Variants in CCDC125 observed in about 807,000 individuals in gnomAD.
CCDC125 encodes coiled-coil domain-containing protein 125.
Under a neutral mutation model 57.4 loss-of-function variants are expected in CCDC125, and 43 were observed. The ratio of observed to expected loss-of-function variants is 0.75; its 90% CI spans 0.59 to 0.97. The LOEUF (loss-of-function observed/expected upper bound fraction) is 0.97. CCDC125 is among the 50% of genes least tolerant of loss of function. The pLI, the probability that CCDC125 is intolerant of heterozygous loss-of-function variation, is 0.00. For missense variants in CCDC125, 563 were observed against 595.7 expected, an observed-to-expected ratio of 0.95 and a Z score of 0.57; for synonymous variants, 187 against 195.2, an observed-to-expected ratio of 0.96 and a Z score of 0.35.
Position 69,320,257 on chromosome 5 carries a change from T to A in CCDC125, c.284A>T (p.Tyr95Phe), listed in dbSNP as rs140726863. Residue 95 changes from tyrosine to phenylalanine, a missense_variant, in exon 2 of 12, where the codon TAC becomes TTC. By Grantham distance (22) the Tyr-to-Phe change is conservative. Coordinates refer to ENST00000396496, the MANE Select transcript of CCDC125 (RefSeq NM_176816.5). ...TFPQVSRISN[Y>F]RRQSSTVDSN... is the part of the protein sequence containing the mutation. ...CTTACCAGTGCTACTTTGTCGTCTG[T>A]AATTGGAAATTCTGGACACTTGAGG... 6.2e-7 allele frequency: 1 copy of A among 1,613,726 alleles called. No homozygotes were observed. Among genetic ancestry groups the A allele is most frequent in the Non-Finnish European group, 8.5e-7 (1 of 1,179,848 alleles).
intron 1 of CCDC125, among the ~76,000 whole-genome samples, chr5:69,329,869 A>G (rs1170702932): frequency 6.6e-6 from 1 of 152,212 alleles, no homozygotes; most frequent in Non-Finnish European, 1.5e-5. Context: ...GGTAATTAGC[A>G]GCAGAGCCAG....
At chr5:69,315,614 C>T (rs1296753345) in intron 2 of CCDC125, among the ~76,000 whole-genome samples, 2 of 150,790 alleles carry the variant, frequency 1.3e-5, no homozygotes, top group African/African-American at 2.4e-5. Flanking sequence ...AAAAATTAGC[C>T]GGGCATGGTG....
chr5:69,310,818 TA>T (rs1377628769), intron 4 of CCDC125: 4 of 174,442 alleles, frequency 2.3e-5, no homozygotes, highest in East Asian at 1.5e-4. Flanking sequence ...TTACTGGGGA[TA>T]GGGGTGGGAA....
At position 69,308,339 on chromosome 5, in the gene CCDC125, T is replaced by G. The variant is rs2150492933; in HGVS notation, c.454-311A>C. On this transcript the variant is annotated intron_variant, in intron 4 of 11. Coordinates refer to ENST00000396496, the MANE Select transcript of CCDC125 (RefSeq NM_176816.5). ...TTGGCTCTGTGTCCCCACCCAAATC[T>G]CATTTTGAATTGTACTCTCATAATT... 4 of 358,220 alleles carry G rather than the reference T, an allele frequency of 1.1e-5. 1 individual carries two copies. In the South Asian group the frequency reaches 1.3e-4, roughly 12 times the overall value. 22.2% of individuals were successfully genotyped at this position (358,220 alleles called of 1,614,324 possible).
intron 1 of CCDC125, among the ~76,000 whole-genome samples, chr5:69,327,610 C>T (rs934147620): frequency 1.3e-5 from 2 of 152,210 alleles, no homozygotes; most frequent in Admixed American, 1.3e-4. Context: ...TCAAATCTCA[C>T]TTCACCACTT....
downstream of CCDC125, chr5:69,276,435 G>T: frequency 2.2e-6 from 2 of 891,852 alleles, no homozygotes; most frequent in South Asian, 3.0e-5. Context: ...GGGAATGAGG[G>T]CATTCACATA....
At chr5:69,292,985 C>T (rs1364605913) in intron 9 of CCDC125, among the ~76,000 whole-genome samples, 3 of 151,308 alleles carry the variant, frequency 2.0e-5, no homozygotes, top group African/African-American at 7.3e-5. Context: ...GGACTATAGG[C>T]GCATGTTGCC....
intron 6 of CCDC125, among the ~76,000 whole-genome samples, chr5:69,304,758 T>C (rs1757074600): frequency 6.6e-6 from 1 of 152,164 alleles, no homozygotes; most frequent in Non-Finnish European, 1.5e-5. Flanking sequence ...AGCTGAGACA[T>C]AATCAGAACC....
chr5:69,316,116 T>C (rs1580187606), intron 2 of CCDC125, among the ~76,000 whole-genome samples: 1 of 152,194 alleles, frequency 6.6e-6, no homozygotes, highest in East Asian at 1.9e-4. Flanking sequence ...ATGTTTGTAC[T>C]GTGATTGATG....
chr5:69,297,637 GC>G (rs1755597172), intron 8 of CCDC125, among the ~76,000 whole-genome samples: 1 of 151,294 alleles, frequency 6.6e-6, no homozygotes, highest in East Asian at 2.0e-4. Flanking sequence ...GGGATTACAG[GC>G]GTTAGCCACC....
chr5:69,315,450 C>CAAAAA (rs1359288696), intron 2 of CCDC125, among the ~76,000 whole-genome samples: 5 of 4,868 alleles, frequency 1.0e-3, no homozygotes, highest in Non-Finnish European at 1.8e-3. Context: ...AAAAAAAAAA[C>CAAAAA]AAAAAAAAAA....
At chr5:69,305,449 G>A (rs1204653759) in intron 6 of CCDC125, among the ~76,000 whole-genome samples, 1 of 152,132 alleles carries the variant, frequency 6.6e-6, no homozygotes, top group Non-Finnish European at 1.5e-5. Context: ...CTGGCCTCAA[G>A]TGATCCACCT....
chr5:69,311,143 T>G lies in CCDC125; in HGVS notation c.428A>C (p.Glu143Ala). ...ASQRQLRGKE[E>A]ALKILQSMAI... ...CATGCTTTGAAGAATTTTCAATGCT[T>G]CCTCTTTACCTCTGAGTTGTCTTTG... The change falls in exon 4 of 12, where the codon GAA (glutamate) becomes GCA (alanine). Residue 143 changes from glutamate to alanine, a missense_variant. By Grantham distance (107) the Glu-to-Ala change is moderately radical. Coordinates refer to ENST00000396496, the MANE Select transcript of CCDC125 (RefSeq NM_176816.5). 6.2e-7 allele frequency: 1 copy of G among 1,610,722 alleles called. No individual in the cohort carries two copies. The highest frequency in any genetic ancestry group is 8.5e-7 in the Non-Finnish European group (1 of 1,177,754).
In CCDC125 at chr5:69,285,363, C is replaced by T; in HGVS notation, c.1204G>A (p.Glu402Lys). ...KRMEDQDSPQ[E>K]VLKMLIDLLN... ...AAATCTATGAGCATCTTAAGGACCT[C>T]TTGAGGACTGTCCTGGTCTTCCATC... The change falls in exon 11 of 12, where the codon GAG (glutamate) becomes AAG (lysine). Residue 402 changes from glutamate (E) to lysine (K), a missense_variant. Physicochemically the swap from Glu to Lys is moderately conservative, Grantham distance 56 (BLOSUM62 1). Coordinates refer to ENST00000396496, the MANE Select transcript of CCDC125 (RefSeq NM_176816.5). 2 of 1,612,074 alleles carry T rather than the reference C, an allele frequency of 1.2e-6. No individual in the cohort carries two copies. The highest frequency in any genetic ancestry group is 1.7e-6 in the Non-Finnish European group (2 of 1,179,450).
intron 9 of CCDC125, chr5:69,294,172 A>G (rs1754950484): frequency 2.0e-6 from 2 of 977,308 alleles, no homozygotes; most frequent in Admixed American, 6.2e-5. Flanking sequence ...AGTGATTTTA[A>G]GCATAAATGT....
At chr5:69,276,405 G>C, downstream of CCDC125, 1 of 698,530 alleles carries the variant, frequency 1.4e-6, no homozygotes, top group Non-Finnish European at 2.5e-6. Flanking sequence ...GCAAATACTT[G>C]ACATTAATTT....
At chr5:69,297,740 G>A (rs1755624272) in intron 8 of CCDC125, among the ~76,000 whole-genome samples, 1 of 151,392 alleles carries the variant, frequency 6.6e-6, no homozygotes, top group African/African-American at 2.4e-5. Flanking sequence ...GAGGCAGGCA[G>A]ATAGCTTGAG....
At chr5:69,294,196 AT>A in intron 9 of CCDC125, 1 of 915,200 alleles carries the variant, frequency 1.1e-6, no homozygotes, top group Non-Finnish European at 1.3e-6. Flanking sequence ...TTTTCCTTCT[AT>A]TATATAGTAA....
intron 11 of CCDC125, among the ~76,000 whole-genome samples, chr5:69,284,123 A>G (rs1579932962): frequency 6.6e-6 from 1 of 152,212 alleles, no homozygotes; most frequent in Middle Eastern, 3.4e-3. Flanking sequence ...TTTTTTAAAA[A>G]AAAAAACAGA....
Sources: gnomAD v4.1 joint callset for allele counts (sites outside exome capture counted in the v4.1 genomes callset) on GRCh38, gnomAD v4.1.1 for gene constraint, MANE v1.5 for transcripts, NCBI Gene and HGNC (gene_info 2026-07-23, HGNC 2026-07-21) for gene names.